The following EEF1AKMT4 variants were observed in gnomAD, a reference collection of about 807,000 sequenced individuals.
EEF1AKMT4 encodes eukaryotic translation elongation factor 1 alpha lysine specific methyltransferase 4.
In EEF1AKMT4, 17 loss-of-function variants were observed where a neutral mutation model predicts 23.0. The ratio of observed to expected loss-of-function variants is 0.74; its 90% CI spans 0.51 to 1.11. EEF1AKMT4 has a LOEUF of 1.11. Among genes scored for constraint, EEF1AKMT4 ranks in the 50% least tolerant of loss-of-function variants. The pLI, the probability that EEF1AKMT4 is intolerant of heterozygous loss-of-function variation, is 0.00. For missense variants in EEF1AKMT4, 318 were observed against 333.4 expected, an observed-to-expected ratio of 0.95 and a Z score of 0.36; for synonymous variants, 140 against 141.4, an observed-to-expected ratio of 0.99 and a Z score of 0.07.
chr3:184,250,653 G>C (rs528605801), intron 1 of EEF1AKMT4, among the ~76,000 whole-genome samples: 25 of 152,152 alleles, frequency 1.6e-4, no homozygotes, highest in Non-Finnish European at 3.7e-4. Flanking sequence ...GTATGTTTAA[G>C]TGAAGTCTTT....
At chr3:184,257,864 A>G (rs191901983) in intron 2 of EEF1AKMT4, 108 bp downstream of exon 2, 142 of 1,393,308 alleles carry the variant, frequency 1.0e-4, no homozygotes, top group Middle Eastern at 2.7e-4. Context: ...TGGAGCAAGT[A>G]GTGGGTCGCC....
chr3:184,252,180 T>TA (rs1299785410), intron 1 of EEF1AKMT4, among the ~76,000 whole-genome samples: 1 of 152,176 alleles, frequency 6.6e-6, no homozygotes, highest in Non-Finnish European at 1.5e-5. Flanking sequence ...TCACAGCAGA[T>TA]TCTTATGCTG....
chr3:184,256,272 C>CAAAAAAAAAA lies in EEF1AKMT4; in HGVS notation c.197-1192_197-1183dup, dbSNP rs59087969. 3.0e-3 allele frequency among the ~76,000 whole-genome samples: 165 copies of CAAAAAAAAAA among 54,108 alleles called. 7 individuals are homozygous for CAAAAAAAAAA. The highest frequency in any genetic ancestry group is 6.8e-3 in the African/African-American group (102 of 15,102). 35.5% of individuals were successfully genotyped at this position (54,108 alleles called of 152,430 possible). ...GGGCAACAAGAGTGAAACTCCATCTCAAAAAAAAAAAAAAAAAAGAAAAGA... is the reference window on the plus strand; with the variant it reads ...GGGCAACAAGAGTGAAACTCCATCTCAAAAAAAAAAAAAAAAAAAAAAAAAAAAGAAAAGA... On this transcript the variant is annotated intron_variant, in intron 1 of 2. Coordinates refer to ENST00000324557, the MANE Select transcript of EEF1AKMT4 (RefSeq NM_032331.4).
chr3:184,256,513 T>C, intron 1 of EEF1AKMT4, among the ~76,000 whole-genome samples: 1 of 152,102 alleles, frequency 6.6e-6, no homozygotes, highest in East Asian at 1.9e-4. Flanking sequence ...ATTATGGTCC[T>C]AATGATACCA....
At chr3:184,258,236 T>G in intron 2 of EEF1AKMT4, 52 bp from the exon 3 acceptor site, 5 of 1,532,136 alleles carry the variant, frequency 3.3e-6, no homozygotes, top group Non-Finnish European at 3.6e-6. Flanking sequence ...TACTGACCTT[T>G]GAGAACCTGA....
Position 184,257,460 on chromosome 3 carries a change from C to T in EEF1AKMT4, c.197-13C>T, listed in dbSNP as rs1335499857. The T allele has an allele frequency of 1.9e-6, 3 of 1,586,988 alleles. No individual in the cohort carries two copies. Among genetic ancestry groups the T allele is most frequent in the South Asian group, 2.3e-5 (2 of 88,804 alleles). ...AACGTAGCTCTTTTGCTACCCATTC[C>T]CTCCCACCCCAGGTTGCGGGAACAG... On this transcript the variant is annotated splice_polypyrimidine_tract_variant and intron_variant, in intron 1 of 2. Transcript: ENST00000324557.
At chr3:184,249,943 C>A in intron 1 of EEF1AKMT4, 53 bp downstream of exon 1, 1 of 1,578,942 alleles carries the variant, frequency 6.3e-7, no homozygotes, top group Non-Finnish European at 8.6e-7. Context: ...ACCGGCGCCG[C>A]ATGGGCTTGG....
chr3:184,257,304 A>C, intron 1 of EEF1AKMT4, among the ~76,000 whole-genome samples, 169 bp from the exon 2 acceptor site: 2 of 151,790 alleles, frequency 1.3e-5, no homozygotes. Flanking sequence ...GTTTGCACCC[A>C]GGCCTGTGCG....
rs761908440 is a variant in EEF1AKMT4 at position 184,257,645 on chromosome 3, T to C, written c.369T>C (p.Ser123=). 1.2e-6 allele frequency: 2 copies of C among 1,614,230 alleles called. No homozygotes were observed. The highest frequency in any genetic ancestry group is 1.1e-5 in the South Asian group (1 of 91,088). ...DVRKLDFPSA[S]FDVVLEKGTL... is the part of the protein sequence containing the mutation. ...GGAAGCTGGACTTCCCCAGTGCTTC[T>C]TTTGATGTGGTGCTCGAGAAGGGCA... The change falls in exon 2 of 3, where the codon TCT becomes TCC. Residue 123 remains serine, a synonymous_variant. Transcript: ENST00000324557.
At position 184,257,714 on chromosome 3, in the gene EEF1AKMT4, G is replaced by C. The variant is rs773052583; in HGVS notation, c.438G>C (p.Val146=). 1.9e-6 allele frequency: 3 copies of C among 1,614,030 alleles called. No individual in the cohort carries two copies. The highest frequency in any genetic ancestry group is 3.3e-5 in the Admixed American group (2 of 60,020). The part of the protein sequence containing the change: ...LLAGERDPWT[V]SSEGVHTVDQ... ...CTGGGGAACGAGATCCCTGGACCGT[G>C]TCCTCTGAAGGTGTCCACACTGTGG... The change falls in exon 2 of 3, where the codon GTG becomes GTC. Residue 146 remains valine, a synonymous_variant. Transcript: ENST00000324557.
intron 1 of EEF1AKMT4, among the ~76,000 whole-genome samples, chr3:184,254,779 T>C (rs978049341): frequency 1.3e-5 from 2 of 152,186 alleles, no homozygotes; most frequent in Non-Finnish European, 2.9e-5. Flanking sequence ...CCTGTTCCCA[T>C]GATGGCTATT....
chr3:184,257,070 C>T (rs1179429328), intron 1 of EEF1AKMT4, among the ~76,000 whole-genome samples: 6 of 150,444 alleles, frequency 4.0e-5, no homozygotes, highest in Non-Finnish European at 8.9e-5. Context: ...TTTAGCCAGG[C>T]GTGGTGGCAC....
At position 184,249,876 on chromosome 3, in the gene EEF1AKMT4, G is replaced by A. The variant is rs568581025; in HGVS notation, c.182G>A (p.Arg61His). ...GAGCCGGAGCTGCGGCCCGAGGACC[G>A]TATCCTTGTGCTAGGTGGGTAATCC... ...LLEPELRPED[R>H]ILVLGCGNSA... Residue 61 changes from arginine to histidine, a missense_variant, in exon 1 of 3, where the codon CGT becomes CAT. Coordinates refer to ENST00000324557, the MANE Select transcript of EEF1AKMT4 (RefSeq NM_032331.4). The A allele has an allele frequency of 3.1e-6, 5 of 1,610,870 alleles. No individual in the cohort carries two copies. The highest frequency in any genetic ancestry group is 4.2e-6 in the Non-Finnish European group (5 of 1,178,182).
At chr3:184,254,342 G>A (rs1227559864) in intron 1 of EEF1AKMT4, among the ~76,000 whole-genome samples, 1 of 151,922 alleles carries the variant, frequency 6.6e-6, no homozygotes, top group Non-Finnish European at 1.5e-5. Context: ...TGTGATCTTG[G>A]CCCACTGCAG....
In EEF1AKMT4 at chr3:184,258,632, T is replaced by C. The variant is rs2108452505; in HGVS notation, c.*57T>C. 4 of 1,514,330 alleles carry C rather than the reference T, an allele frequency of 2.6e-6. No homozygotes were observed. Among genetic ancestry groups the C allele is most frequent in the Non-Finnish European group, 3.5e-6 (4 of 1,133,178 alleles). The allele number at this position is 1,514,330 out of a possible 1,614,324, so 93.8% of individuals were successfully genotyped here. A position where few individuals can be genotyped will look rare whatever the true frequency, so the allele number is the denominator to read the frequency against. ...ATTCTGCCCTGGGCTCCTCAGGTAGTTGGAATTCCTGACTTAGGACTTGGG... is the reference window on the plus strand; with the variant it reads ...ATTCTGCCCTGGGCTCCTCAGGTAGCTGGAATTCCTGACTTAGGACTTGGG... On this transcript the variant is annotated 3_prime_UTR_variant, in exon 3 of 3. Transcript: ENST00000324557.
Position 184,249,701 on chromosome 3 carries a change from T to G in EEF1AKMT4, c.7T>G (p.Ser3Ala), listed in dbSNP as rs755633384. The G allele has an allele frequency of 1.9e-6, 3 of 1,599,936 alleles. No homozygotes were observed. The highest frequency in any genetic ancestry group is 2.7e-5 in the African/African-American group (2 of 74,782). Residue 3 changes from serine (S) to alanine (A), a missense_variant, in exon 1 of 3, where the codon TCT (serine) becomes GCT (alanine). Transcript: ENST00000324557. ...CTGCCCGGCGGTTGAGAGCATGGCC[T>G]CTCCAGGGGCAGGTAGGGCGCCTCC... MA[S>A]PGAGRAPPEL...
intron 1 of EEF1AKMT4, among the ~76,000 whole-genome samples, chr3:184,252,664 C>G (rs1055968753): frequency 6.6e-6 from 1 of 152,024 alleles, no homozygotes; most frequent in Non-Finnish European, 1.5e-5. Flanking sequence ...GAATGATGGC[C>G]GGGCAGGGTG....
In EEF1AKMT4 at chr3:184,249,793, A is replaced by T. The variant is rs1719434554; in HGVS notation, c.99A>T (p.Ala33=). 5 of 1,613,224 alleles carry T rather than the reference A, an allele frequency of 3.1e-6. No individual in the cohort carries two copies. Among genetic ancestry groups the T allele is most frequent in the Non-Finnish European group, 3.4e-6 (4 of 1,180,022 alleles). ...VEYWDQRYQG[A]ADSAPYDWFG... ...ACTGGGATCAGCGCTACCAAGGCGC[A>T]GCCGATTCTGCCCCCTACGATTGGT... is the stretch of plus-strand genomic sequence containing the variant. Residue 33 remains alanine, a synonymous_variant, in exon 1 of 3, where the codon GCA becomes GCT. Coordinates refer to ENST00000324557, the MANE Select transcript of EEF1AKMT4 (RefSeq NM_032331.4).
At chr3:184,251,609 A>G (rs1719559254) in intron 1 of EEF1AKMT4, among the ~76,000 whole-genome samples, 3 of 152,176 alleles carry the variant, frequency 2.0e-5, no homozygotes, top group Admixed American at 2.0e-4. Flanking sequence ...AGGCTGAGGC[A>G]GGAGGATCGT....
Sources: gnomAD v4.1 joint callset for allele counts (sites outside exome capture counted in the v4.1 genomes callset) on GRCh38, gnomAD v4.1.1 for gene constraint, MANE v1.5 for transcripts, NCBI Gene and HGNC (gene_info 2026-07-23, HGNC 2026-07-21) for gene names.